HPS1: variants seen among roughly 807,000 people sequenced by gnomAD.
HPS1 encodes HPS1 biogenesis of lysosomal organelles complex 3 subunit 1, also known as BLOC-3 complex member HPS1.
In HPS1, 59 loss-of-function variants were observed where a neutral mutation model predicts 90.6. The ratio of observed to expected loss-of-function variants is 0.65; its 90% CI spans 0.53 to 0.81. The LOEUF is 0.81. Among genes scored for constraint, HPS1 ranks in the 30% least tolerant of loss-of-function variants. The pLI, the probability that HPS1 is intolerant of heterozygous loss-of-function variation, is 0.00. For missense variants in HPS1, 849 were observed against 896.7 expected (o/e 0.95, Z 0.68); for synonymous variants, 388 against 384.4 (o/e 1.01, Z -0.11).
intron 18 of HPS1, among the ~76,000 whole-genome samples, chr10:98,418,954 G>A (rs1287148273): frequency 6.6e-6 from 1 of 152,220 alleles, no homozygotes; most frequent in Admixed American, 6.5e-5. Flanking sequence ...ACTTCTGAGG[G>A]CACGGAGGAA....
intron 17 of HPS1, 32 bp from the exon 18 acceptor site, chr10:98,420,190 C>G: frequency 6.6e-7 from 1 of 1,505,298 alleles, no homozygotes; most frequent in Non-Finnish European, 9.2e-7. Flanking sequence ...TCACCACTCT[C>G]CCAGCCTTGG....
At chr10:98,421,414 G>C (rs1441263703) in intron 17 of HPS1, among the ~76,000 whole-genome samples, 1 of 152,200 alleles carries the variant, frequency 6.6e-6, no homozygotes, top group Non-Finnish European at 1.5e-5. Flanking sequence ...CTAAACATCA[G>C]GGAAATGGTT....
At position 98,445,146 on chromosome 10, in the gene HPS1, G is replaced by A. The variant is rs1164995667; in HGVS notation, c.-1+154C>T. On this transcript the variant is annotated intron_variant, in intron 2 of 19. Transcript: ENST00000361490. This position sits in a 1 kb window ranked among gnomAD's most constrained non-coding sequence, Gnocchi z 4.5. ...AGAGATGAGGCATCAGGATGGGGGT[G>A]GCCTCAGGATGCAGGGCTGGGGAGG... is the stretch of plus-strand genomic sequence containing the variant. Among the ~76,000 whole-genome samples, 1 of 152,128 alleles carries A rather than the reference G, an allele frequency of 6.6e-6. No individual in the cohort carries two copies. The highest frequency in any genetic ancestry group is 1.5e-5 in the Non-Finnish European group (1 of 68,014).
At chr10:98,436,181 A>T (rs937257091) in intron 3 of HPS1, among the ~76,000 whole-genome samples, 2 of 152,202 alleles carry the variant, frequency 1.3e-5, no homozygotes, top group African/African-American at 4.8e-5. Context: ...ACAAAGATAC[A>T]TGCACAAAGA....
rs3830025 is a variant in HPS1, at chr10:98,416,347, A to G, written c.*1217T>C. On this transcript the variant is annotated 3_prime_UTR_variant, in exon 20 of 20. Coordinates refer to ENST00000361490, the MANE Select transcript of HPS1 (RefSeq NM_000195.5). ...AGGGGTCCTGAACAGTGGTGGGCTCAGGGGATTGGAGTTTTTTCCTTTATG... is the reference window on the plus strand; with the variant it reads ...AGGGGTCCTGAACAGTGGTGGGCTCGGGGGATTGGAGTTTTTTCCTTTATG... 53,128 of 152,104 alleles carry G rather than the reference A, an allele frequency of 0.35. 10,418 individuals carry two copies. Among genetic ancestry groups the G allele is most frequent in the African/African-American group, 0.53 (21,811 of 41,378 alleles). The allele number at this position is 152,104 out of a possible 1,614,324, so 9.4% of individuals were successfully genotyped here.
In HPS1 at chr10:98,431,342, C is replaced by T. The variant is rs368704463; in HGVS notation, c.508-51G>A. On this transcript the variant is annotated intron_variant, in intron 6 of 19. Coordinates refer to ENST00000361490, the MANE Select transcript of HPS1 (RefSeq NM_000195.5). Reference sequence around the variant, plus strand: ...AGCCATATCACCAACAACCTTGCCCCACTCCAAGCCCTGGGCTAGTGGGGA... The same window carrying T: ...AGCCATATCACCAACAACCTTGCCCTACTCCAAGCCCTGGGCTAGTGGGGA... The T allele has an allele frequency of 2.4e-4, 386 of 1,588,932 alleles. 1 individual carries two copies. In the African/African-American group the frequency reaches 4.7e-3, roughly 19 times the overall value.
At chr10:98,436,989 C>T (rs531347257) in intron 3 of HPS1, among the ~76,000 whole-genome samples, 47 of 152,312 alleles carry the variant, frequency 3.1e-4, no homozygotes, top group Non-Finnish European at 4.7e-4. Flanking sequence ...GTGGCTCCTA[C>T]TTATCATTCT....
intron 6 of HPS1, among the ~76,000 whole-genome samples, chr10:98,432,924 T>C (rs1305494179): frequency 1.3e-5 from 2 of 152,140 alleles, no homozygotes; most frequent in Admixed American, 6.5e-5. Flanking sequence ...AAACAGCACC[T>C]GGGAATTTTT....
In HPS1 at chr10:98,431,389, G is replaced by A. The variant is rs913565992; in HGVS notation, c.508-98C>T. The A allele has an allele frequency of 3.1e-6, 4 of 1,277,026 alleles. No homozygotes were observed. In the African/African-American group the frequency reaches 5.8e-5, roughly 19 times the overall value. 79.1% of individuals were successfully genotyped at this position (1,277,026 alleles called of 1,614,324 possible). On this transcript the variant is annotated intron_variant, in intron 6 of 19. Coordinates refer to ENST00000361490, the MANE Select transcript of HPS1 (RefSeq NM_000195.5). ...GGGACATTCACTCTGTCCACAGTGA[G>A]CTTGGACTCTGCACCAGATACTTGG... is the stretch of plus-strand genomic sequence containing the variant.
chr10:98,425,815 T>C lies in HPS1; in HGVS notation c.1155+3A>G, dbSNP rs1202286982. ...ATCAGGGCAGGGTGAGGGGCTCTCC[T>C]ACCCTGGTCAGGAGCACCAGGTTGA... On this transcript the variant is annotated splice_donor_region_variant and intron_variant, in intron 12 of 19. Coordinates refer to ENST00000361490, the MANE Select transcript of HPS1 (RefSeq NM_000195.5). 1.2e-6 allele frequency: 2 copies of C among 1,613,300 alleles called. No individual in the cohort carries two copies. The highest frequency in any genetic ancestry group is 3.3e-5 in the Admixed American group (2 of 59,980).
At chr10:98,426,919 G>C (rs1845682674) in intron 11 of HPS1, among the ~76,000 whole-genome samples, 2 of 151,010 alleles carry the variant, frequency 1.3e-5, no homozygotes, top group South Asian at 4.2e-4. Context: ...AAATATACAT[G>C]CTCACTTAAA....
In HPS1 at chr10:98,435,161, A is replaced by T; in HGVS notation, c.398+111T>A. The T allele has an allele frequency of 7.5e-7, 1 of 1,339,246 alleles. No homozygotes were observed. Among genetic ancestry groups the T allele is most frequent in the Non-Finnish European group, 1.1e-6 (1 of 936,460 alleles). 83.0% of individuals were successfully genotyped at this position (1,339,246 alleles called of 1,614,324 possible). On this transcript the variant is annotated intron_variant, in intron 5 of 19. Coordinates refer to ENST00000361490, the MANE Select transcript of HPS1 (RefSeq NM_000195.5). The surrounding 1 kb of genome is among the most constrained non-coding windows in gnomAD (Gnocchi z 4.3). ...AGCTGTTTCTCTGACCTAGGGACCC[A>T]GCTGGGGGCAGTATGTGAAAAATGG...
intron 18 of HPS1, among the ~76,000 whole-genome samples, chr10:98,419,126 G>C (rs553933327): frequency 3.0e-4 from 45 of 152,026 alleles, no homozygotes; most frequent in African/African-American, 1.1e-3. Flanking sequence ...GGGCTGTGAG[G>C]GGGTAACTGA....
intron 14 of HPS1, 59 bp from the exon 15 acceptor site, chr10:98,423,946 G>C: frequency 6.3e-7 from 1 of 1,597,850 alleles, no homozygotes; most frequent in Non-Finnish European, 8.5e-7. Context: ...CCCTCGCCCT[G>C]TGTGGACCAC....
chr10:98,445,728 G>C lies in HPS1; in HGVS notation c.-105-324C>G, dbSNP rs778172607. 1.3e-5 allele frequency among the ~76,000 whole-genome samples: 2 copies of C among 152,174 alleles called. No individual in the cohort carries two copies. Among genetic ancestry groups the C allele is most frequent in the African/African-American group, 4.8e-5 (2 of 41,434 alleles). On this transcript the variant is annotated intron_variant, in intron 1 of 19. Coordinates refer to ENST00000361490, the MANE Select transcript of HPS1 (RefSeq NM_000195.5). The surrounding 1 kb of genome is among the most constrained non-coding windows in gnomAD (Gnocchi z 4.5). ...AGGGAGCTTGCTAGGAGTGACTGAC[G>C]GGAGACAGCATAGCACATCCCAGGT...
At chr10:98,428,923 C>A (rs1046412516) in intron 10 of HPS1, among the ~76,000 whole-genome samples, 5 of 151,594 alleles carry the variant, frequency 3.3e-5, no homozygotes, top group African/African-American at 1.2e-4. Flanking sequence ...CTCACTGCAA[C>A]CTCCACCTCC....
downstream of HPS1, among the ~76,000 whole-genome samples, chr10:98,415,881 A>G (rs975445306): frequency 7.2e-5 from 11 of 152,238 alleles, no homozygotes; most frequent in Admixed American, 6.5e-4. Flanking sequence ...CCATTTTCCA[A>G]GAATCCCCAA....
intron 13 of HPS1, among the ~76,000 whole-genome samples, chr10:98,425,300 A>G (rs1213103473): frequency 6.6e-6 from 1 of 152,268 alleles, no homozygotes; most frequent in Non-Finnish European, 1.5e-5. Context: ...TTCCACACCT[A>G]AAAAAGGGGA....
intron 3 of HPS1, 200 bp downstream of exon 3, chr10:98,442,924 G>T: frequency 3.2e-6 from 2 of 629,062 alleles, no homozygotes; most frequent in Non-Finnish European, 5.8e-6. Context: ...GTGTGGGGGT[G>T]GGGTCACCGA....
Sources: allele counts gnomAD v4.1 joint callset (sites outside exome capture counted in the v4.1 genomes callset), GRCh38; gene constraint gnomAD v4.1.1; non-coding constraint Gnocchi (gnomAD v3.1); transcripts MANE v1.5; gene names NCBI Gene and HGNC (gene_info 2026-07-23, HGNC 2026-07-21).